Variants in TMEM132D observed in about 807,000 individuals in gnomAD.
TMEM132D encodes the protein transmembrane protein 132D, also known as mature OL transmembrane protein.
In TMEM132D, 21 loss-of-function variants were observed where a neutral mutation model predicts 62.3. The ratio of observed to expected loss-of-function variants is 0.34; its 90% CI spans 0.24 to 0.49. The LOEUF (loss-of-function observed/expected upper bound fraction) is 0.49, where lower values mean the gene tolerates loss of function less well. Ranked by LOEUF, TMEM132D falls within the 20% of genes least tolerant of loss-of-function variation. The probability of loss-of-function intolerance (pLI) is 0.99; values close to 1 mark genes in which losing one functional copy is unlikely to be tolerated. For synonymous variants in TMEM132D, 621 were observed against 575.6 expected (o/e 1.08, Z -1.13); for missense variants, 1,346 against 1,402.8 (o/e 0.96, Z 0.65).
intron 1 of TMEM132D, among the ~76,000 whole-genome samples, chr12:129,826,232 C>T (rs1429661510): frequency 6.6e-6 from 1 of 152,190 alleles, no homozygotes; most frequent in East Asian, 1.9e-4. Flanking sequence ...CAGCCTCCAT[C>T]GGCTTGAGTC....
chr12:129,836,894 T>C (rs1408663349), intron 1 of TMEM132D, among the ~76,000 whole-genome samples: 1 of 152,214 alleles, frequency 6.6e-6, no homozygotes, highest in Non-Finnish European at 1.5e-5. Flanking sequence ...ATTGTAGCTA[T>C]AGCCATTTAC....
intron 4 of TMEM132D, among the ~76,000 whole-genome samples, chr12:129,242,176 G>T (rs1033162801): frequency 2.6e-5 from 4 of 152,198 alleles, no homozygotes; most frequent in Non-Finnish European, 5.9e-5. Flanking sequence ...GACTTCAGAA[G>T]AATGGGGTTT....
intron 1 of TMEM132D, among the ~76,000 whole-genome samples, chr12:129,729,499 G>GA (rs1203099474): frequency 6.6e-6 from 1 of 151,990 alleles, no homozygotes; most frequent in Non-Finnish European, 1.5e-5. Context: ...ACTCCCAGAT[G>GA]AAAAAACCCT....
chr12:129,648,301 C>A (rs1244496722), intron 2 of TMEM132D, among the ~76,000 whole-genome samples: 2 of 152,084 alleles, frequency 1.3e-5, no homozygotes, highest in African/African-American at 4.8e-5. Flanking sequence ...AGGAGGACAG[C>A]TTTGACTCCC....
Position 129,850,702 on chromosome 12 carries a change from A to G in TMEM132D, c.79+52559T>C, listed in dbSNP as rs999318266. Among the ~76,000 whole-genome samples, 6 of 152,338 alleles carry G rather than the reference A, an allele frequency of 3.9e-5. No individual in the cohort carries two copies. In the South Asian group the frequency reaches 1.2e-3, roughly 32 times the overall value. On this transcript the variant is annotated intron_variant, in intron 1 of 8. Coordinates refer to ENST00000422113, the MANE Select transcript of TMEM132D (RefSeq NM_133448.3). Reference sequence around the variant, plus strand: ...AAAGATCAGTAATTGGCATCATTCAATCAGGAAACTTTCTGCAAATCCATC... The same window carrying G: ...AAAGATCAGTAATTGGCATCATTCAGTCAGGAAACTTTCTGCAAATCCATC...
At chr12:129,244,385 C>CAAAAAAA (rs751155633) in intron 4 of TMEM132D, among the ~76,000 whole-genome samples, 3 of 85,228 alleles carry the variant, frequency 3.5e-5, no homozygotes, top group Non-Finnish European at 7.3e-5. Flanking sequence ...GACTCTGTCT[C>CAAAAAAA]AAAAAAAAAA....
At chr12:129,251,596 T>G (rs577788035) in intron 4 of TMEM132D, among the ~76,000 whole-genome samples, 54 of 152,270 alleles carry the variant, frequency 3.5e-4, no homozygotes, top group Non-Finnish European at 6.6e-4. Flanking sequence ...CTAAATAGGT[T>G]AGAGGAGTTG....
chr12:129,820,474 C>A (rs1872514758), intron 1 of TMEM132D, among the ~76,000 whole-genome samples: 1 of 152,272 alleles, frequency 6.6e-6, no homozygotes, highest in Admixed American at 6.5e-5. Context: ...AGCAGTTAAC[C>A]ATACATTATA....
Position 129,189,612 on chromosome 12 carries a change from C to T in TMEM132D, c.1443+19908G>A, listed in dbSNP as rs548413815. 1.4e-4 allele frequency among the ~76,000 whole-genome samples: 21 copies of T among 152,202 alleles called. No individual in the cohort carries two copies. The South Asian group carries it at 3.7e-3, about 27-fold the overall frequency. On this transcript the variant is annotated intron_variant, in intron 5 of 8. Transcript: ENST00000422113. ...TCCGGAGGAAGGCTGGGAGTCCCCACGGGAAATCACAGGAGAATGCACTTC... is the reference window on the plus strand; with the variant it reads ...TCCGGAGGAAGGCTGGGAGTCCCCATGGGAAATCACAGGAGAATGCACTTC...
intron 4 of TMEM132D, among the ~76,000 whole-genome samples, chr12:129,278,205 A>G (rs1206120045): frequency 3.3e-5 from 5 of 152,106 alleles, no homozygotes; most frequent in Admixed American, 3.3e-4. Flanking sequence ...GCAGCAGCCA[A>G]GTTCATATCG....
chr12:129,463,441 T>C lies in TMEM132D; in HGVS notation c.1115+67618A>G, dbSNP rs1425046018. ...CCTGTGTCCTGGGATCCCTGTCCTA[T>C]TTATTTATTTATTTATTTATTTATT... On this transcript the variant is annotated intron_variant, in intron 3 of 8. Coordinates refer to ENST00000422113, the MANE Select transcript of TMEM132D (RefSeq NM_133448.3). Among the ~76,000 whole-genome samples, 6 of 127,714 alleles carry C rather than the reference T, an allele frequency of 4.7e-5. No homozygotes were observed. The East Asian group carries it at 1.2e-3, about 25-fold the overall frequency. The allele number at this position is 127,714 out of a possible 152,430, so 83.8% of individuals were successfully genotyped here. A position where few individuals can be genotyped will look rare whatever the true frequency, so the allele number is the denominator to read the frequency against.
At chr12:129,122,577 G>A (rs891362217) in intron 5 of TMEM132D, among the ~76,000 whole-genome samples, 2 of 152,160 alleles carry the variant, frequency 1.3e-5, no homozygotes, top group Non-Finnish European at 2.9e-5. Context: ...CAAACCCCAA[G>A]AGGGTAAAAA....
intron 3 of TMEM132D, among the ~76,000 whole-genome samples, chr12:129,486,796 CCATTATTAAGCA>C (rs1414811730): frequency 1.1e-4 from 16 of 144,916 alleles, no homozygotes; most frequent in Admixed American, 4.2e-4. Context: ...TTCATCCCTT[CCATTATTAAGCA>C]CATTATTAAG....
At chr12:129,483,578 AAAG>A (rs1226430773) in intron 3 of TMEM132D, among the ~76,000 whole-genome samples, 1 of 152,270 alleles carries the variant, frequency 6.6e-6, no homozygotes, top group African/African-American at 2.4e-5. Flanking sequence ...AAAATTGGTA[AAAG>A]AAAAAGCCAG....
chr12:129,779,226 G>A lies in TMEM132D; in HGVS notation c.80-78528C>T, dbSNP rs1418505195. On this transcript the variant is annotated intron_variant, in intron 1 of 8. Transcript: ENST00000422113. This position sits in a 1 kb window ranked among gnomAD's most constrained non-coding sequence, Gnocchi z 4.1. ...GATGCTTTAACATGCAGAGTAGAAC[G>A]GCTACACCCAGCTACAAGCAGTACC... 1.3e-5 allele frequency among the ~76,000 whole-genome samples: 2 copies of A among 152,168 alleles called. No homozygotes were observed. Among genetic ancestry groups the A allele is most frequent in the Non-Finnish European group, 2.9e-5 (2 of 68,032 alleles).
intron 4 of TMEM132D, among the ~76,000 whole-genome samples, chr12:129,247,082 C>T (rs144888418): frequency 6.6e-6 from 1 of 152,226 alleles, no homozygotes; most frequent in East Asian, 1.9e-4. Context: ...TTTCAAAAGC[C>T]TTCTAAGTAG....
intron 1 of TMEM132D, among the ~76,000 whole-genome samples, chr12:129,720,845 C>T (rs545537638): frequency 6.6e-6 from 1 of 152,250 alleles, no homozygotes; most frequent in Admixed American, 6.5e-5. Context: ...CAATAATCAA[C>T]TCATCTAACA....
At chr12:129,331,386 T>G (rs567513870) in intron 4 of TMEM132D, among the ~76,000 whole-genome samples, 1 of 152,308 alleles carries the variant, frequency 6.6e-6, no homozygotes, top group East Asian at 1.9e-4. Context: ...GGAGTTCTCC[T>G]TTGATTTTTT....
At chr12:129,179,405 A>G (rs537110659) in intron 5 of TMEM132D, among the ~76,000 whole-genome samples, 2 of 151,902 alleles carry the variant, frequency 1.3e-5, no homozygotes, top group Non-Finnish European at 2.9e-5. Flanking sequence ...GAGCCTCCCC[A>G]GTTTGGGAGC....
Sources: allele counts gnomAD v4.1 joint callset (sites outside exome capture counted in the v4.1 genomes callset), GRCh38; gene constraint gnomAD v4.1.1; non-coding constraint Gnocchi (gnomAD v3.1); transcripts MANE v1.5; gene names NCBI Gene and HGNC (gene_info 2026-07-23, HGNC 2026-07-21).